The following TENM2 variants were observed in gnomAD, a reference collection of about 807,000 sequenced individuals.
The protein encoded by TENM2 is teneurin transmembrane protein 2, also known as teneurin-2.
TENM2 carries 52 observed loss-of-function variants against 245.2 expected under a neutral mutation model. The ratio of observed to expected loss-of-function variants is 0.21; its 90% CI spans 0.17 to 0.27. TENM2 has a LOEUF of 0.27. TENM2 is among the 10% of genes least tolerant of loss of function. The pLI, the probability that TENM2 is intolerant of heterozygous loss-of-function variation, is 1.00. For missense variants in TENM2, 3,046 were observed against 3,666.8 expected, an observed-to-expected ratio of 0.83 and a Z score of 4.37; for synonymous variants, 1,363 against 1,438.9, an observed-to-expected ratio of 0.95 and a Z score of 1.19.
At chr5:167,805,051 A>G (rs1287846956) in intron 2 of TENM2, among the ~76,000 whole-genome samples, 1 of 152,124 alleles carries the variant, frequency 6.6e-6, no homozygotes, top group Admixed American at 6.6e-5. Flanking sequence ...TTCACCAGGC[A>G]TCTGTGGTAG....
intron 1 of TENM2, among the ~76,000 whole-genome samples, chr5:167,329,445 G>C (rs1026610126): frequency 5.3e-4 from 80 of 149,728 alleles, no homozygotes; most frequent in Middle Eastern, 3.5e-3. Context: ...CCAGCTACCC[G>C]GGAGGCTGAG....
chr5:167,438,340 C>T (rs749359379), intron 2 of TENM2, among the ~76,000 whole-genome samples: 7 of 152,176 alleles, frequency 4.6e-5, no homozygotes, highest in African/African-American at 1.7e-4. Flanking sequence ...TGCATGTAGG[C>T]ACTTCACAGA....
At chr5:167,131,570 T>C in the TENM2 span, among the ~76,000 whole-genome samples, 1 of 152,130 alleles carries the variant, frequency 6.6e-6, no homozygotes, top group African/African-American at 2.4e-5. Flanking sequence ...GGGAACCCCT[T>C]TCTAGTTAAT....
chr5:168,089,107 A>G (rs958598557), intron 7 of TENM2, among the ~76,000 whole-genome samples: 1 of 152,162 alleles, frequency 6.6e-6, no homozygotes, highest in Non-Finnish European at 1.5e-5. Context: ...CTGGGGTTTT[A>G]TCGATTTTCT....
At chr5:167,557,032 T>G (rs1357624345) in intron 2 of TENM2, among the ~76,000 whole-genome samples, 1 of 152,204 alleles carries the variant, frequency 6.6e-6, no homozygotes, top group African/African-American at 2.4e-5. Context: ...TTTTTAATCT[T>G]TATTGGCTTT....
intron 1 of TENM2, among the ~76,000 whole-genome samples, chr5:167,335,506 G>A (rs1234444541): frequency 6.6e-6 from 1 of 152,040 alleles, no homozygotes; most frequent in Non-Finnish European, 1.5e-5. Flanking sequence ...ACACACCCCT[G>A]CTTTCACCTC....
intron 2 of TENM2, among the ~76,000 whole-genome samples, chr5:167,401,447 C>T (rs917919025): frequency 6.6e-6 from 1 of 152,104 alleles, no homozygotes; most frequent in African/African-American, 2.4e-5. Flanking sequence ...GTAAGATTCT[C>T]ATAATTTATA....
intron 2 of TENM2, among the ~76,000 whole-genome samples, chr5:167,430,425 G>A (rs1764146783): frequency 6.6e-6 from 1 of 152,088 alleles, no homozygotes; most frequent in Non-Finnish European, 1.5e-5. Context: ...CTCCAGCCTG[G>A]GCCGTTCATT....
At chr5:167,188,298 G>A in the TENM2 span, among the ~76,000 whole-genome samples, 4 of 152,166 alleles carry the variant, frequency 2.6e-5, no homozygotes, top group South Asian at 2.1e-4. Flanking sequence ...GGCCAATGCC[G>A]TTCTTCAGCG....
chr5:167,228,414 C>A, the TENM2 span, among the ~76,000 whole-genome samples: 3 of 151,656 alleles, frequency 2.0e-5, no homozygotes. Context: ...TCTTCAGTTC[C>A]AGAATATTTT....
the TENM2 span, among the ~76,000 whole-genome samples, chr5:167,117,907 A>C: frequency 2.6e-5 from 4 of 151,610 alleles, no homozygotes; most frequent in African/African-American, 7.3e-5. Flanking sequence ...TGAGAACCAT[A>C]GTTTTAGAAG....
intron 9 of TENM2, among the ~76,000 whole-genome samples, chr5:168,114,667 C>G (rs192936080): frequency 6.6e-6 from 1 of 152,180 alleles, no homozygotes. Flanking sequence ...TATAAAGTCT[C>G]GCTCCTGTGA....
intron 15 of TENM2, 118 bp downstream of exon 17, chr5:168,195,413 G>A: frequency 9.1e-6 from 11 of 1,208,296 alleles, no homozygotes; most frequent in Non-Finnish European, 1.3e-5. Context: ...TGTCCACCAG[G>A]CCTGTCCCCT....
At chr5:167,575,674 T>C (rs947221617) in intron 2 of TENM2, among the ~76,000 whole-genome samples, 8 of 152,096 alleles carry the variant, frequency 5.3e-5, no homozygotes, top group African/African-American at 1.4e-4. Context: ...GGGAAGCCCC[T>C]GATACAGGTT....
the TENM2 span, among the ~76,000 whole-genome samples, chr5:167,070,048 G>A: frequency 6.6e-6 from 1 of 151,970 alleles, no homozygotes; most frequent in Non-Finnish European, 1.5e-5. Context: ...ATTTGTTATT[G>A]AATATCTGAT....
chr5:166,994,521 C>A, the TENM2 span, among the ~76,000 whole-genome samples: 1 of 152,172 alleles, frequency 6.6e-6, no homozygotes, highest in Non-Finnish European at 1.5e-5. Flanking sequence ...CTGACAGCAG[C>A]CCCTATGTCA....
intron 2 of TENM2, among the ~76,000 whole-genome samples, chr5:167,427,513 AGGAAGGGAG>A (rs1763906673): frequency 1.4e-5 from 2 of 141,822 alleles, no homozygotes; most frequent in South Asian, 2.6e-4. Context: ...AAGGAAGGGA[AGGAAGGGAG>A]GGAGGGAAGG....
chr5:167,271,921 T>C, the TENM2 span, among the ~76,000 whole-genome samples: 1 of 152,328 alleles, frequency 6.6e-6, no homozygotes, highest in African/African-American at 2.4e-5. Flanking sequence ...ATTAAATTAC[T>C]AGGCCACTAT....
At chr5:167,734,921 A>T (rs1760698213) in intron 2 of TENM2, among the ~76,000 whole-genome samples, 1 of 152,036 alleles carries the variant, frequency 6.6e-6, no homozygotes, top group Admixed American at 6.6e-5. Context: ...CTGGTGAAAA[A>T]CTGATGGCAT....
Sources: gnomAD v4.1 joint callset for allele counts (sites outside exome capture counted in the v4.1 genomes callset) on GRCh38, gnomAD v4.1.1 for gene constraint, MANE v1.5 for transcripts, NCBI Gene and HGNC (gene_info 2026-07-23, HGNC 2026-07-21) for gene names.